Variants in TSPAN15 observed in about 807,000 individuals in gnomAD.
TSPAN15 encodes the protein tetraspanin-15.
A neutral mutation model predicts 34.5 loss-of-function variants in TSPAN15; 20 were observed. The observed-to-expected ratio is 0.58, with a 90% CI of 0.41 to 0.84. The LOEUF is 0.84. Ranked by LOEUF, TSPAN15 falls within the 40% of genes least tolerant of loss-of-function variation. The pLI, the probability that TSPAN15 is intolerant of heterozygous loss-of-function variation, is 0.00. For synonymous variants in TSPAN15, 155 were observed against 153.9 expected, an observed-to-expected ratio of 1.01 and a Z score of -0.05; for missense variants, 313 against 386.1, an observed-to-expected ratio of 0.81 and a Z score of 1.59.
At chr10:69,469,474 A>T (rs1364613830) in intron 1 of TSPAN15, among the ~76,000 whole-genome samples, 1 of 152,084 alleles carries the variant, frequency 6.6e-6, no homozygotes, top group African/African-American at 2.4e-5. Context: ...TTTGAGACAG[A>T]GTCTTACTCT....
intron 1 of TSPAN15, among the ~76,000 whole-genome samples, chr10:69,451,891 AGCCGGTTGTC>A (rs201000200): frequency 0.017 from 2,542 of 152,274 alleles, 30 homozygotes; most frequent in Non-Finnish European, 0.022. Context: ...GGAGTGTGAG[AGCCGGTTGTC>A]GACCGACCGA....
At chr10:69,490,995 G>T (rs1841956878) in intron 3 of TSPAN15, among the ~76,000 whole-genome samples, 1 of 152,216 alleles carries the variant, frequency 6.6e-6, no homozygotes, top group East Asian at 1.9e-4. Flanking sequence ...CGCTGGTTTG[G>T]CCAGACTCCC....
At chr10:69,542,866 C>A in the TSPAN15 span, among the ~76,000 whole-genome samples, 1 of 152,210 alleles carries the variant, frequency 6.6e-6, no homozygotes, top group Admixed American at 6.5e-5. Flanking sequence ...AGCAGTAAAT[C>A]TAACAATTAA....
intron 1 of TSPAN15, among the ~76,000 whole-genome samples, chr10:69,465,587 A>G (rs1841366069): frequency 1.3e-5 from 2 of 151,800 alleles, no homozygotes; most frequent in Admixed American, 6.6e-5. Flanking sequence ...TCTCACTTCA[A>G]CCTCCAGCAA....
chr10:69,504,597 T>G, intron 6 of TSPAN15, 112 bp downstream of exon 6: 1 of 1,127,244 alleles, frequency 8.9e-7, no homozygotes, highest in Non-Finnish European at 1.3e-6. Context: ...TTTTCCCACA[T>G]TCCTGGCTGT....
At chr10:69,486,433 T>A (rs3838766) in intron 3 of TSPAN15, among the ~76,000 whole-genome samples, 4,086 of 150,598 alleles carry the variant, frequency 0.027, 84 homozygotes, top group Middle Eastern at 0.14. Flanking sequence ...TCTTTTTTTT[T>A]AAAAATAATG....
chr10:69,506,613 C>T lies in TSPAN15; in HGVS notation c.736-216C>T, dbSNP rs1842332127. Among the ~76,000 whole-genome samples the T allele has an allele frequency of 6.6e-6, 1 of 152,122 alleles. No individual in the cohort carries two copies. The highest frequency in any genetic ancestry group is 1.5e-5 in the Non-Finnish European group (1 of 68,022). Reference sequence around the variant, plus strand: ...CCCTTGCTGATGGGGCACAGCGAGGCGCTCTGGGATTTCCTGGGAAGGGGA... The same window carrying T: ...CCCTTGCTGATGGGGCACAGCGAGGTGCTCTGGGATTTCCTGGGAAGGGGA... On this transcript the variant is annotated intron_variant, in intron 7 of 7. Transcript: ENST00000373290. This position sits in a 1 kb window ranked among gnomAD's most constrained non-coding sequence, Gnocchi z 4.7.
the TSPAN15 span, among the ~76,000 whole-genome samples, chr10:69,527,922 G>T: frequency 7.4e-5 from 11 of 147,926 alleles, 1 homozygote; most frequent in Admixed American, 2.8e-4. Flanking sequence ...TTTGATGACG[G>T]TTATATATAT....
At position 69,495,650 on chromosome 10, in the gene TSPAN15, T is replaced by A; in HGVS notation, c.414T>A (p.Asp138Glu). 1 of 1,614,162 alleles carries A rather than the reference T, an allele frequency of 6.2e-7. No individual in the cohort carries two copies. The highest frequency in any genetic ancestry group is 8.5e-7 in the Non-Finnish European group (1 of 1,179,984). ...IRRGIENYYDDLDFKNIMDFV... is the reference protein window; with the variant it reads ...IRRGIENYYDELDFKNIMDFV... Reference sequence around the variant, plus strand: ...GAGGAATTGAGAACTACTATGATGATCTGGACTTCAAAAACATCATGGACT... The same window carrying A: ...GAGGAATTGAGAACTACTATGATGAACTGGACTTCAAAAACATCATGGACT... Residue 138 changes from aspartate (D) to glutamate (E), a missense_variant, in exon 4 of 8, where the codon GAT becomes GAA. Physicochemically the swap from Asp to Glu is conservative, Grantham distance 45. Transcript: ENST00000373290.
At chr10:69,482,464 C>T (rs1326338384) in intron 1 of TSPAN15, among the ~76,000 whole-genome samples, 1 of 152,170 alleles carries the variant, frequency 6.6e-6, no homozygotes, top group Non-Finnish European at 1.5e-5. Context: ...CAAAATTCTT[C>T]CTGCTCCAAC....
downstream of TSPAN15, among the ~76,000 whole-genome samples, chr10:69,510,823 A>T (rs953416629): frequency 6.6e-6 from 1 of 152,172 alleles, no homozygotes; most frequent in African/African-American, 2.4e-5. Flanking sequence ...TTCTGCATCT[A>T]TTGAGATAAT....
At chr10:69,535,732 C>T in the TSPAN15 span, among the ~76,000 whole-genome samples, 3 of 152,230 alleles carry the variant, frequency 2.0e-5, no homozygotes, top group African/African-American at 7.2e-5. Context: ...CCCTCACTCT[C>T]ATCTGACACA....
chr10:69,457,417 G>T (rs1841137164), intron 1 of TSPAN15, among the ~76,000 whole-genome samples: 1 of 152,162 alleles, frequency 6.6e-6, no homozygotes, highest in African/African-American at 2.4e-5. Flanking sequence ...ATGGTGCTAC[G>T]GACTCTCCAC....
At chr10:69,452,636 A>C (rs923234974) in intron 1 of TSPAN15, among the ~76,000 whole-genome samples, 2 of 152,174 alleles carry the variant, frequency 1.3e-5, no homozygotes, top group Non-Finnish European at 2.9e-5. Flanking sequence ...GAATTTGGAC[A>C]CCTGTGGTGT....
intron 1 of TSPAN15, among the ~76,000 whole-genome samples, chr10:69,463,655 C>CA (rs1841318064): frequency 6.6e-6 from 1 of 151,966 alleles, no homozygotes; most frequent in Non-Finnish European, 1.5e-5. Flanking sequence ...ACTAAAAATA[C>CA]AAAAATTAGC....
the TSPAN15 span, among the ~76,000 whole-genome samples, chr10:69,536,737 C>A: frequency 6.6e-6 from 1 of 152,150 alleles, no homozygotes; most frequent in African/African-American, 2.4e-5. Flanking sequence ...GTAATCCCAA[C>A]ACATTGAGAG....
intron 3 of TSPAN15, among the ~76,000 whole-genome samples, chr10:69,489,581 C>T (rs1841926317): frequency 1.3e-5 from 2 of 152,216 alleles, no homozygotes; most frequent in South Asian, 2.1e-4. Context: ...CTTCCCGCAA[C>T]AATTAGGCTA....
chr10:69,465,109 T>G (rs1398336640), intron 1 of TSPAN15, among the ~76,000 whole-genome samples: 2 of 152,230 alleles, frequency 1.3e-5, no homozygotes, highest in Non-Finnish European at 2.9e-5. Context: ...CAGCATGCTC[T>G]GACAGCTGCA....
chr10:69,465,814 A>C (rs894760747), intron 1 of TSPAN15, among the ~76,000 whole-genome samples: 2 of 152,182 alleles, frequency 1.3e-5, no homozygotes, highest in African/African-American at 2.4e-5. Context: ...TTGGTCATTT[A>C]GTCACTCATC....
Sources: gnomAD v4.1 joint callset for allele counts (sites outside exome capture counted in the v4.1 genomes callset) on GRCh38, gnomAD v4.1.1 for gene constraint, Gnocchi (gnomAD v3.1) non-coding constraint, MANE v1.5 for transcripts, NCBI Gene and HGNC (gene_info 2026-07-23, HGNC 2026-07-21) for gene names.